POLQ: variants seen among roughly 807,000 people sequenced by gnomAD.
The protein encoded by POLQ is epididymis secretory sperm binding protein.
POLQ carries 233 observed loss-of-function variants against 259.2 expected under a neutral mutation model. That is an observed-to-expected ratio of 0.90 (90% CI 0.81 to 1.00). The LOEUF is 1.00. Ranked by LOEUF, POLQ falls within the 50% of genes least tolerant of loss-of-function variation. The pLI, the probability that POLQ is intolerant of heterozygous loss-of-function variation, is 0.00. For missense variants in POLQ, 2,871 were observed against 3,051.6 expected, an observed-to-expected ratio of 0.94 and a Z score of 1.39; for synonymous variants, 1,025 against 1,048.8, an observed-to-expected ratio of 0.98 and a Z score of 0.44.
At position 121,493,500 on chromosome 3, in the gene POLQ, TC is replaced by T; in HGVS notation, c.2499del (p.Asn835MetfsTer30). 6.2e-7 allele frequency: 1 copy of T among 1,613,652 alleles called. No individual in the cohort carries two copies. Among genetic ancestry groups the T allele is most frequent in the Non-Finnish European group, 8.5e-7 (1 of 1,179,618 alleles). ...RANIVEVEVI[L>X]KNAVPFKSAR... Reference sequence around the variant, plus strand: ...TACCTTTTGAAAGGCACAGCATTTTTCAGAATCACCTCCACCTCCACAATAT... The same window carrying T: ...TACCTTTTGAAAGGCACAGCATTTTTAGAATCACCTCCACCTCCACAATAT... On this transcript the variant is annotated frameshift_variant, in exon 15 of 30. Transcript: ENST00000264233. LOFTEE classifies it high-confidence loss of function.
rs2048441882 is a variant in POLQ at position 121,535,237 on chromosome 3, T to C, written c.740+1863A>G. Among the ~76,000 whole-genome samples the C allele has an allele frequency of 2.6e-5, 4 of 152,138 alleles. 1 individual carries two copies. The South Asian group carries it at 8.3e-4, about 32-fold the overall frequency. On this transcript the variant is annotated intron_variant, in intron 5 of 29. Transcript: ENST00000264233. The stretch of plus-strand genomic sequence containing the variant: ...AACACCAACACACATCAGTATGAAA[T>C]TTCACAGCACTGTGGAAAAAGAGGA...
intron 1 of POLQ, 110 bp downstream of exon 1, chr3:121,545,605 G>A (rs996799946): frequency 5.3e-5 from 55 of 1,036,210 alleles, no homozygotes; most frequent in Non-Finnish European, 7.5e-5. Context: ...GGGAGTAGAA[G>A]CCCAATGGGG....
At chr3:121,537,298 C>T in intron 4 of POLQ, 90 bp from the exon 5 acceptor site, 1 of 734,474 alleles carries the variant, frequency 1.4e-6, no homozygotes, top group Non-Finnish European at 2.4e-6. Flanking sequence ...TATTTAATTT[C>T]CTTTATATCA....
At chr3:121,520,312 G>A (rs2048328929) in intron 8 of POLQ, among the ~76,000 whole-genome samples, 3 of 152,136 alleles carry the variant, frequency 2.0e-5, no homozygotes, top group South Asian at 4.2e-4. Flanking sequence ...GAGGCAGGTG[G>A]ATCGCTTGAG....
chr3:121,467,578 G>GCTCTCTCC lies in POLQ; in HGVS notation c.6900_6907dup (p.Ala2303GlyfsTer37). ...TGAAAATGGCATTCCTCTGTCTGCAGCTCTCTCCTCCATCTGTGCCTGGCA... is the reference window on the plus strand; with the variant it reads ...TGAAAATGGCATTCCTCTGTCTGCAGCTCTCTCCCTCTCTCCTCCATCTGTGCCTGGCA... On this transcript the variant is annotated frameshift_variant, in exon 24 of 30. Coordinates refer to ENST00000264233, the MANE Select transcript of POLQ (RefSeq NM_199420.4). LOFTEE classifies it high-confidence loss of function. 1 of 1,613,762 alleles carries GCTCTCTCC rather than the reference G, an allele frequency of 6.2e-7. No individual in the cohort carries two copies. The highest frequency in any genetic ancestry group is 8.5e-7 in the Non-Finnish European group (1 of 1,179,652).
intron 27 of POLQ, among the ~76,000 whole-genome samples, chr3:121,439,000 A>T (rs1008042017): frequency 6.6e-6 from 1 of 152,174 alleles, no homozygotes; most frequent in Non-Finnish European, 1.5e-5. Flanking sequence ...GAGCACTAAA[A>T]CACAAAGTTA....
chr3:121,489,723 G>A lies in POLQ; in HGVS notation c.3208C>T (p.Gln1070Ter). 6.2e-7 allele frequency: 1 copy of A among 1,612,666 alleles called. No homozygotes were observed. ...CAAAGACTAGGATTAGACAGAGTCT[G>A]TCCTTGTAAATGGATTCTACACGCT... ...SGACRIHLQGQTLSNPSLCED... is the reference protein window; with the variant it reads ...SGACRIHLQG Residue 1070 changes from glutamine to a stop codon, truncating the protein, a stop_gained, in exon 16 of 30, where the codon CAG becomes TAG. Transcript: ENST00000264233. LOFTEE classifies it high-confidence loss of function.
rs1423359211 is a variant in POLQ at position 121,489,591 on chromosome 3, A to G, written c.3340T>C (p.Phe1114Leu). The change falls in exon 16 of 30, where the codon TTC (phenylalanine) becomes CTC (leucine). Residue 1114 changes from phenylalanine to leucine, a missense_variant. Coordinates refer to ENST00000264233, the MANE Select transcript of POLQ (RefSeq NM_199420.4). ...CAATTTTGCTTTATTTGTAATGGGA[A>G]TGATGTTTTATTATCTTTTTCCTTA... ...SGKEKDNKTS[F>L]PLQIKQNCSW... The G allele has an allele frequency of 5.0e-6, 8 of 1,612,996 alleles. No homozygotes were observed. Among genetic ancestry groups the G allele is most frequent in the African/African-American group, 4.0e-5 (3 of 74,860 alleles).
intron 26 of POLQ, among the ~76,000 whole-genome samples, chr3:121,446,555 ATCTC>A (rs558940108): frequency 2.0e-5 from 3 of 150,234 alleles, no homozygotes; most frequent in Non-Finnish European, 3.0e-5. Context: ...TATTATTGGG[ATCTC>A]TCTCTCTCTC....
intron 25 of POLQ, among the ~76,000 whole-genome samples, chr3:121,450,438 T>C (rs2047665555): frequency 6.6e-6 from 1 of 152,144 alleles, no homozygotes; most frequent in African/African-American, 2.4e-5. Context: ...GTTACATATG[T>C]ATACATGTGC....
rs772415760 is a variant in POLQ, at chr3:121,541,367, C to G, written c.456G>C (p.Glu152Asp). ...FILPFVSVAK[E>D]KKYYLQSLFQ... Reference sequence around the variant, plus strand: ...ACATTACCTGGAGGTAGTATTTCTTCTCTTTAGCCACAGAAACAAAGGGAA... The same window carrying G: ...ACATTACCTGGAGGTAGTATTTCTTGTCTTTAGCCACAGAAACAAAGGGAA... Residue 152 changes from glutamate (E) to aspartate (D), a missense_variant, in exon 3 of 30, where the codon GAG becomes GAC. Transcript: ENST00000264233. 2 of 1,602,372 alleles carry G rather than the reference C, an allele frequency of 1.2e-6. No homozygotes were observed. Among genetic ancestry groups the G allele is most frequent in the African/African-American group, 2.7e-5 (2 of 74,174 alleles).
chr3:121,544,902 T>C lies in POLQ; in HGVS notation c.168A>G (p.Glu56=). Reference sequence around the variant, plus strand: ...CGTAGTCAGGAACTGTAGGCTTGCATTCTCCTTTTAGGAAAAAGAAAAAAT... The same window carrying C: ...CGTAGTCAGGAACTGTAGGCTTGCACTCTCCTTTTAGGAAAAAGAAAAAAT... ...GRCLKAAAAG[E]CKPTVPDYER... is the part of the protein sequence containing the mutation. Residue 56 remains glutamate (E), a synonymous_variant, in exon 2 of 30, where the codon GAA becomes GAG. Transcript: ENST00000264233. 1.3e-6 allele frequency: 2 copies of C among 1,583,514 alleles called. No individual in the cohort carries two copies. Among genetic ancestry groups the C allele is most frequent in the Non-Finnish European group, 1.7e-6 (2 of 1,163,382 alleles).
rs764807279 is a variant in POLQ at position 121,529,813 on chromosome 3, AC to A, written c.961-22del. On this transcript the variant is annotated intron_variant, in intron 6 of 29. Transcript: ENST00000264233. ...TCTCCCTAAAACAGAAAGATAAATA[AC>A]CACTTTAGTGGTCCTTTCAAAAGAT... 14 of 1,582,544 alleles carry A rather than the reference AC, an allele frequency of 8.8e-6. No individual in the cohort carries two copies. In the African/African-American group the frequency reaches 1.8e-4, roughly 20 times the overall value.
Position 121,511,968 on chromosome 3 carries a change from A to C in POLQ, c.1530T>G (p.Gly510=), listed in dbSNP as rs1458293743. 1 of 1,613,418 alleles carries C rather than the reference A, an allele frequency of 6.2e-7. No homozygotes were observed. Among genetic ancestry groups the C allele is most frequent in the Non-Finnish European group, 8.5e-7 (1 of 1,179,392 alleles). The change falls in exon 10 of 30, where the codon GGT becomes GGG. Residue 510 remains glycine, a synonymous_variant. Transcript: ENST00000264233. ...EKSKGIALLQ[G]SLKPVRSCLQ... ...GACAGCTGCGAACAGGCTTTAGAGA[A>C]CCCTGAAGGAGAGCTATGCCTTTTG...
chr3:121,449,524 C>CTCACTGTGAAATAAA, intron 25 of POLQ, 98 bp from the exon 26 acceptor site: 1 of 735,176 alleles, frequency 1.4e-6, no homozygotes, highest in Non-Finnish European at 2.5e-6. Flanking sequence ...TTTTATTTCA[C>CTCACTGTGAAATAAA]AGTGAGTGAA....
chr3:121,465,901 T>A (rs914752000), intron 24 of POLQ, among the ~76,000 whole-genome samples: 1 of 152,158 alleles, frequency 6.6e-6, no homozygotes, highest in Non-Finnish European at 1.5e-5. Flanking sequence ...AAAGGGAAAG[T>A]CGCATCTCTC....
rs760441927 is a variant in POLQ at position 121,489,614 on chromosome 3, T to C, written c.3317A>G (p.Lys1106Arg). ...PFAKNVSLSG[K>R]EKDNKTSFPL... ...GAATGATGTTTTATTATCTTTTTCCTTACCACTCAAAGATACATTTTTAGC... is the reference window on the plus strand; with the variant it reads ...GAATGATGTTTTATTATCTTTTTCCCTACCACTCAAAGATACATTTTTAGC... Residue 1106 changes from lysine to arginine, a missense_variant, in exon 16 of 30, where the codon AAG becomes AGG. Transcript: ENST00000264233. 20 of 1,613,714 alleles carry C rather than the reference T, an allele frequency of 1.2e-5. No individual in the cohort carries two copies. Among genetic ancestry groups the C allele is most frequent in the African/African-American group, 8.0e-5 (6 of 74,930 alleles).
intron 19 of POLQ, among the ~76,000 whole-genome samples, chr3:121,480,115 A>G (rs1234457937): frequency 1.3e-5 from 2 of 151,942 alleles, no homozygotes; most frequent in Non-Finnish European, 2.9e-5. Context: ...AATTCCTTAA[A>G]AATATATAGG....
Position 121,489,677 on chromosome 3 carries a change from T to C in POLQ, c.3254A>G (p.Asp1085Gly). 1 of 1,614,042 alleles carries C rather than the reference T, an allele frequency of 6.2e-7. No homozygotes were observed. Among genetic ancestry groups the C allele is most frequent in the Non-Finnish European group, 8.5e-7 (1 of 1,179,974 alleles). The change falls in exon 16 of 30, where the codon GAT (aspartate) becomes GGT (glycine). Residue 1085 changes from aspartate (D) to glycine (G), a missense_variant. Coordinates refer to ENST00000264233, the MANE Select transcript of POLQ (RefSeq NM_199420.4). ...ATTTCTAAATTCCGTTTTCTTCTCA[T>C]CTAAGGTAAACGGGTCTTCACAAAG... ...PSLCEDPFTL[D>G]EKKTEFRNSG...
Sources: allele counts gnomAD v4.1 joint callset (sites outside exome capture counted in the v4.1 genomes callset), GRCh38; gene constraint gnomAD v4.1.1; transcripts MANE v1.5; gene names NCBI Gene and HGNC (gene_info 2026-07-23, HGNC 2026-07-21).